The following CNTNAP5 variants were observed in gnomAD, a reference collection of about 807,000 sequenced individuals.
CNTNAP5 encodes contactin-associated protein-like 5.
CNTNAP5 carries 72 observed loss-of-function variants against 150.2 expected under a neutral mutation model. That is an observed-to-expected ratio of 0.48 (90% CI 0.40 to 0.58). The LOEUF (loss-of-function observed/expected upper bound fraction) is 0.58. CNTNAP5 is among the 20% of genes least tolerant of loss of function. CNTNAP5 has a pLI of 0.00. For missense variants in CNTNAP5, 1,636 were observed against 1,626.2 expected (o/e 1.01, Z -0.10); for synonymous variants, 672 against 619.8 (o/e 1.08, Z -1.25).
rs1683416577 is a variant in CNTNAP5, at chr2:124,115,819, T to TGTGTGTGTGTGTGC, written c.82+90095_82+90096insGTGTGCGTGTGTGT. ...GTGTGTGTGTGTGTGTGTGTGTGTG[T>TGTGTGTGTGTGTGC]GTGTGTGTAGAGATGAGGTTTCACA... On this transcript the variant is annotated intron_variant, in intron 1 of 23. Coordinates refer to ENST00000682447, the MANE Select transcript of CNTNAP5 (RefSeq NM_001367498.1). Among the ~76,000 whole-genome samples, 3 of 151,424 alleles carry TGTGTGTGTGTGTGC rather than the reference T, an allele frequency of 2.0e-5. No individual in the cohort carries two copies. In the East Asian group the frequency reaches 5.9e-4, roughly 30 times the overall value.
At chr2:124,606,819 C>T (rs1677232423) in intron 11 of CNTNAP5, among the ~76,000 whole-genome samples, 1 of 152,148 alleles carries the variant, frequency 6.6e-6, no homozygotes, top group Admixed American at 6.5e-5. Context: ...AAGACCCGCC[C>T]CCTAATTCAA....
At chr2:124,345,598 T>G (rs1689718892) in intron 3 of CNTNAP5, among the ~76,000 whole-genome samples, 1 of 152,200 alleles carries the variant, frequency 6.6e-6, no homozygotes, top group Admixed American at 6.5e-5. Context: ...TAGATATAAC[T>G]CTTTCATATG....
At chr2:124,634,701 A>G (rs1256693606) in intron 12 of CNTNAP5, among the ~76,000 whole-genome samples, 1 of 151,972 alleles carries the variant, frequency 6.6e-6, no homozygotes, top group Admixed American at 6.6e-5. Context: ...ATGGAGTTTC[A>G]CCATGTTGCT....
Position 124,332,893 on chromosome 2 carries a change from A to C in CNTNAP5, c.382-84550A>C, listed in dbSNP as rs1012794003. Among the ~76,000 whole-genome samples the C allele has an allele frequency of 2.0e-5, 3 of 152,268 alleles. No individual in the cohort carries two copies. In the East Asian group the frequency reaches 5.8e-4, roughly 29 times the overall value. On this transcript the variant is annotated intron_variant, in intron 3 of 23. Transcript: ENST00000682447. ...AAGTAATGTTATTTTTATTTACCAA[A>C]GATTATAAATCCACATAAACTTTAG...
Position 124,107,834 on chromosome 2 carries a change from T to C in CNTNAP5, c.82+82102T>C, listed in dbSNP as rs139632471. On this transcript the variant is annotated intron_variant, in intron 1 of 23. Coordinates refer to ENST00000682447, the MANE Select transcript of CNTNAP5 (RefSeq NM_001367498.1). ...CCAAGGTGACTGAGGTACAGCTTGC[T>C]TTTATACATTTTAGGAATATATGAG... 7.6e-3 allele frequency among the ~76,000 whole-genome samples: 1,160 copies of C among 152,322 alleles called. 10 individuals are homozygous for C. The highest frequency in any genetic ancestry group is 0.026 in the African/African-American group (1,082 of 41,574).
chr2:124,326,283 C>T (rs1284155175), intron 3 of CNTNAP5, among the ~76,000 whole-genome samples: 1 of 152,128 alleles, frequency 6.6e-6, no homozygotes, highest in Non-Finnish European at 1.5e-5. Flanking sequence ...CAAAGTTGTG[C>T]TGTAATTATG....
At chr2:124,691,272 G>GTAGC (rs1679295541) in intron 13 of CNTNAP5, among the ~76,000 whole-genome samples, 2 of 152,114 alleles carry the variant, frequency 1.3e-5, no homozygotes, top group African/African-American at 4.8e-5. Context: ...ATCATACAAG[G>GTAGC]TAGGTCAGAT....
chr2:124,589,459 G>A (rs1015617240), intron 11 of CNTNAP5, among the ~76,000 whole-genome samples: 2 of 152,046 alleles, frequency 1.3e-5, no homozygotes, highest in African/African-American at 2.4e-5. Flanking sequence ...TCCACTTTTT[G>A]ACTATTATGA....
At chr2:124,439,353 T>C (rs1692618544) in intron 5 of CNTNAP5, among the ~76,000 whole-genome samples, 1 of 152,218 alleles carries the variant, frequency 6.6e-6, no homozygotes, top group Non-Finnish European at 1.5e-5. Flanking sequence ...CAGTCTCTAT[T>C]TTCAAGAGGC....
intron 13 of CNTNAP5, among the ~76,000 whole-genome samples, chr2:124,669,789 G>C (rs11123057): frequency 0.53 from 80,540 of 152,018 alleles, 22,238 homozygotes; most frequent in African/African-American, 0.63. Context: ...CATACTTTCT[G>C]ATAAAAACGT....
At chr2:124,755,001 G>A (rs912905064) in intron 14 of CNTNAP5, among the ~76,000 whole-genome samples, 10 of 151,854 alleles carry the variant, frequency 6.6e-5, no homozygotes, top group African/African-American at 2.4e-4. Context: ...CCAAAATATC[G>A]CATCATTACT....
At chr2:124,781,888 G>C (rs1681460911) in intron 17 of CNTNAP5, among the ~76,000 whole-genome samples, 1 of 152,146 alleles carries the variant, frequency 6.6e-6, no homozygotes, top group Non-Finnish European at 1.5e-5. Flanking sequence ...ATGGGGGTGG[G>C]GGTTACTGTC....
At chr2:124,824,167 C>T (rs1357252892) in intron 19 of CNTNAP5, among the ~76,000 whole-genome samples, 1 of 152,038 alleles carries the variant, frequency 6.6e-6, no homozygotes, top group Non-Finnish European at 1.5e-5. Flanking sequence ...ATCTGCCCTC[C>T]TCGGCTTCCC....
At chr2:124,535,921 A>G (rs1227169514) in intron 10 of CNTNAP5, among the ~76,000 whole-genome samples, 1 of 152,344 alleles carries the variant, frequency 6.6e-6, no homozygotes, top group East Asian at 1.9e-4. Flanking sequence ...ATTACCTCCC[A>G]TAAACAGACT....
At chr2:124,711,184 C>A (rs1679799425) in intron 13 of CNTNAP5, among the ~76,000 whole-genome samples, 1 of 151,886 alleles carries the variant, frequency 6.6e-6, no homozygotes, top group Non-Finnish European at 1.5e-5. Flanking sequence ...GACAGGAGAA[C>A]AGCTTGAACC....
intron 13 of CNTNAP5, 67 bp from the exon 14 acceptor site, chr2:124,747,162 T>C (rs1680619930): frequency 6.7e-7 from 1 of 1,500,772 alleles, no homozygotes; most frequent in African/African-American, 1.4e-5. Flanking sequence ...CAGCTCAGTT[T>C]CTGTGCCATC....
intron 3 of CNTNAP5, among the ~76,000 whole-genome samples, chr2:124,271,849 G>A (rs1687769308): frequency 6.6e-6 from 1 of 151,872 alleles, no homozygotes; most frequent in African/African-American, 2.4e-5. Context: ...TGAGTACCTG[G>A]GATTACAGGA....
intron 19 of CNTNAP5, among the ~76,000 whole-genome samples, chr2:124,801,458 G>A (rs1467209235): frequency 2.6e-5 from 4 of 152,176 alleles, no homozygotes; most frequent in African/African-American, 9.7e-5. Flanking sequence ...TACCTTGAGT[G>A]GTAGTGAATT....
chr2:124,652,674 G>A (rs1678348346), intron 13 of CNTNAP5, among the ~76,000 whole-genome samples: 1 of 152,168 alleles, frequency 6.6e-6, no homozygotes, highest in South Asian at 2.1e-4. Flanking sequence ...GAAACTGAGT[G>A]CCCAGATCTC....
Sources: allele counts gnomAD v4.1 joint callset (sites outside exome capture counted in the v4.1 genomes callset), GRCh38; gene constraint gnomAD v4.1.1; transcripts MANE v1.5; gene names NCBI Gene and HGNC (gene_info 2026-07-23, HGNC 2026-07-21).